The following AMT variants were observed in gnomAD, a reference collection of about 807,000 sequenced individuals.
AMT encodes aminomethyltransferase, mitochondrial.
Under a neutral mutation model 39.5 loss-of-function variants are expected in AMT, and 24 were observed. The observed-to-expected ratio is 0.61, with a 90% confidence interval of 0.44 to 0.86. AMT has a LOEUF of 0.86. Among genes scored for constraint, AMT ranks in the 40% least tolerant of loss-of-function variants. The pLI, the probability that AMT is intolerant of heterozygous loss-of-function variation, is 0.00. For synonymous variants in AMT, 210 were observed against 212.1 expected, an observed-to-expected ratio of 0.99 and a Z score of 0.09; for missense variants, 501 against 537.0, an observed-to-expected ratio of 0.93 and a Z score of 0.66.
chr3:49,418,015 GC>G (rs1191369697), intron 7 of AMT, 42 bp from the exon 8 acceptor site: 1 of 1,573,134 alleles, frequency 6.4e-7, no homozygotes, highest in African/African-American at 1.4e-5. Flanking sequence ...GCCCATAGAA[GC>G]CCTGGCCACA....
chr3:49,421,295 A>C, intron 3 of AMT, 197 bp downstream of exon 3: 1 of 620,690 alleles, frequency 1.6e-6, no homozygotes, highest in East Asian at 2.8e-5. Context: ...TCCTAGCCTG[A>C]TGTAGTAAGA....
rs748831732 is a variant in AMT, at chr3:49,417,834, C to A, written c.1017G>T (p.Met339Ile). The change falls in exon 8 of 9, where the codon ATG becomes ATT. Residue 339 changes from methionine to isoleucine, a missense_variant. By Grantham distance (10) the Met-to-Ile change is conservative. Transcript: ENST00000273588. Reference protein sequence around the residue: ...PMRAHSPILNMEGTKIGTVTS... With the variant: ...PMRAHSPILNIEGTKIGTVTS... ...TCCACCTACCAATCTTGGTACCCTC[C>A]ATGTTCAGGATGGGACTGTGTGCCC... 1 of 1,614,126 alleles carries A rather than the reference C, an allele frequency of 6.2e-7. No homozygotes were observed. Among genetic ancestry groups the A allele is most frequent in the Non-Finnish European group, 8.5e-7 (1 of 1,180,026 alleles).
intron 4 of AMT, 172 bp from the exon 5 acceptor site, chr3:49,419,960 T>C: frequency 2.5e-6 from 2 of 806,432 alleles, no homozygotes; most frequent in South Asian, 1.5e-5. Context: ...TACTAAGTGA[T>C]AGAGATGACC....
rs1575305491 is a variant in AMT at position 49,419,458 on chromosome 3, C to T, written c.551-53G>A. ...ATCCAGGTCCCAGCATCCCTCAAAG[C>T]TGGACTAAAGCCTTATTCAGGGACC... is the stretch of plus-strand genomic sequence containing the variant. On this transcript the variant is annotated intron_variant, in intron 5 of 8. Coordinates refer to ENST00000273588, the MANE Select transcript of AMT (RefSeq NM_000481.4). 5.6e-6 allele frequency: 9 copies of T among 1,600,306 alleles called. No individual in the cohort carries two copies. In the East Asian group the frequency reaches 1.8e-4, roughly 32 times the overall value.
At chr3:49,418,079 T>G in intron 7 of AMT, 106 bp from the exon 8 acceptor site, 6 of 1,396,016 alleles carry the variant, frequency 4.3e-6, no homozygotes. Flanking sequence ...CAAGGCCCCT[T>G]TGCTTGGGCT....
In AMT at chr3:49,419,780, G is replaced by A; in HGVS notation, c.480C>T (p.Val160=). Residue 160 remains valine (V), a synonymous_variant, in exon 5 of 9, where the codon GTC becomes GTT. Coordinates refer to ENST00000273588, the MANE Select transcript of AMT (RefSeq NM_000481.4). ...CTCTGCCCTGGTTCTGAAGCTCCCT[G>A]ACCTTGTCCTAAAAGACAGAAACAC... ...EKDLALMQDK[V]RELQNQGRDV... The A allele has an allele frequency of 6.2e-7, 1 of 1,614,078 alleles. No individual in the cohort carries two copies. The highest frequency in any genetic ancestry group is 2.2e-5 in the East Asian group (1 of 44,890).
rs1575305393 is a variant in AMT at position 49,419,396 on chromosome 3, G to A, written c.560C>T (p.Ala187Val). ...NALLALQGPT[A>V]AQVLQAGVAD... ...CACGCCGGCCTGTAGTACCTGGGCT[G>A]CAGTGGGGCCTGGGCCCAGGGAGCC... The change falls in exon 6 of 9, where the codon GCA becomes GTA. Residue 187 changes from alanine to valine, a missense_variant. Physicochemically the swap from Ala to Val is moderately conservative, Grantham distance 64. Coordinates refer to ENST00000273588, the MANE Select transcript of AMT (RefSeq NM_000481.4). 1.2e-6 allele frequency: 2 copies of A among 1,613,952 alleles called. No individual in the cohort carries two copies. The highest frequency in any genetic ancestry group is 1.7e-6 in the Non-Finnish European group (2 of 1,179,948).
chr3:49,418,138 T>C, intron 7 of AMT, 165 bp from the exon 8 acceptor site: 1 of 814,110 alleles, frequency 1.2e-6, no homozygotes, highest in Non-Finnish European at 2.0e-6. Context: ...ACCAACCACC[T>C]CCTATCCCCT....
chr3:49,417,752 A>G (rs762157837), intron 8 of AMT, 34 bp from the exon 9 acceptor site: 3 of 1,613,416 alleles, frequency 1.9e-6, no homozygotes, highest in Non-Finnish European at 2.5e-6. Flanking sequence ...CATCAGCACC[A>G]CCCTGCCAGT....
rs754517251 is a variant in AMT, at chr3:49,416,903, G to C, written c.*637C>G. On this transcript the variant is annotated 3_prime_UTR_variant, in exon 9 of 9. Transcript: ENST00000273588. ...AGGAAGCCCACCCTGCCCTACAGCAGCCCTGGAACTCAGAATAGGTGGTGA... is the reference window on the plus strand; with the variant it reads ...AGGAAGCCCACCCTGCCCTACAGCACCCCTGGAACTCAGAATAGGTGGTGA... The C allele has an allele frequency of 4.4e-6, 2 of 458,578 alleles. No individual in the cohort carries two copies. Among genetic ancestry groups the C allele is most frequent in the South Asian group, 3.1e-5 (2 of 64,512 alleles). 28.4% of individuals were successfully genotyped at this position (458,578 alleles called of 1,614,324 possible). A position where few individuals can be genotyped will look rare whatever the true frequency, so the allele number is the denominator to read the frequency against.
rs1476296943 is a variant in AMT, at chr3:49,417,021, A to G, written c.*519T>C. On this transcript the variant is annotated 3_prime_UTR_variant, in exon 9 of 9. Coordinates refer to ENST00000273588, the MANE Select transcript of AMT (RefSeq NM_000481.4). ...TTCCCTCAGCCATCCCCAAGTTTACACACAGGCATAGCAGCCCTACTGTGA... is the reference window on the plus strand; with the variant it reads ...TTCCCTCAGCCATCCCCAAGTTTACGCACAGGCATAGCAGCCCTACTGTGA... 1.8e-6 allele frequency: 1 copy of G among 541,624 alleles called. No individual in the cohort carries two copies. The highest frequency in any genetic ancestry group is 1.9e-5 in the African/African-American group (1 of 53,146). The allele number at this position is 541,624 out of a possible 1,614,324, so 33.6% of individuals were successfully genotyped here. A position where few individuals can be genotyped will look rare whatever the true frequency, so the allele number is the denominator to read the frequency against.
rs780617650 is a variant in AMT at position 49,420,352 on chromosome 3, A to G, written c.340-10T>C. ...ACAGCGACAGTGTCCCCTAGGACCA[A>G]AGTGGAGCGTTTTGGCTTCCAGGTC... On this transcript the variant is annotated splice_polypyrimidine_tract_variant and intron_variant, in intron 3 of 8. Coordinates refer to ENST00000273588, the MANE Select transcript of AMT (RefSeq NM_000481.4). 1 of 1,614,074 alleles carries G rather than the reference A, an allele frequency of 6.2e-7. No homozygotes were observed. Among genetic ancestry groups the G allele is most frequent in the Non-Finnish European group, 8.5e-7 (1 of 1,179,994 alleles).
At chr3:49,418,357 A>C in intron 7 of AMT, 1 of 301,972 alleles carries the variant, frequency 3.3e-6, no homozygotes, top group Non-Finnish European at 6.3e-6. Flanking sequence ...TAATTTTTAT[A>C]TTTTCAGTAG....
At chr3:49,417,997 A>G in intron 7 of AMT, 24 bp from the exon 8 acceptor site, 7 of 1,592,522 alleles carry the variant, frequency 4.4e-6, no homozygotes, top group Non-Finnish European at 6.0e-6. Context: ...CATGAGACAT[A>G]AGCCACAGCC....
Position 49,417,958 on chromosome 3 carries a change from G to A in AMT, c.893C>T (p.Ala298Val). Residue 298 changes from alanine to valine, a missense_variant, in exon 8 of 9, where the codon GCT (alanine) becomes GTT (valine). Transcript: ENST00000273588. The part of the protein sequence containing the change: ...LSWTLGKRRR[A>V]AMDFPGAKVI... ...CTTGGCTCCAGGGAAGTCCATAGCA[G>A]CTCGGCGGCGCTTCCCTGGAGAATG... 1.2e-6 allele frequency: 2 copies of A among 1,611,900 alleles called. No homozygotes were observed. The highest frequency in any genetic ancestry group is 1.7e-6 in the Non-Finnish European group (2 of 1,179,222).
intron 4 of AMT, 193 bp from the exon 5 acceptor site, chr3:49,419,981 T>G: frequency 1.3e-6 from 1 of 779,450 alleles, no homozygotes; most frequent in South Asian, 1.6e-5. Context: ...CAAGCCCAGT[T>G]CTGCCACCTC....
Position 49,419,269 on chromosome 3 carries a change from A to G in AMT, c.687T>C (p.Asp229=), listed in dbSNP as rs1292063206. 1.2e-6 allele frequency: 2 copies of G among 1,613,916 alleles called. No individual in the cohort carries two copies. Among genetic ancestry groups the G allele is most frequent in the South Asian group, 2.2e-5 (2 of 91,070 alleles). Residue 229 remains aspartate, a synonymous_variant, in exon 6 of 9, where the codon GAT becomes GAC. Coordinates refer to ENST00000273588, the MANE Select transcript of AMT (RefSeq NM_000481.4). ...RVTRCGYTGE[D]GVEISVPVAG... is the part of the protein sequence containing the mutation. ...CCACTTCTTGACACACCTCCACACCATCCTCTCCTGTGTAGCCACAGCGGG... is the reference window on the plus strand; with the variant it reads ...CCACTTCTTGACACACCTCCACACCGTCCTCTCCTGTGTAGCCACAGCGGG...
chr3:49,422,402 C>T lies in AMT; in HGVS notation c.49G>A (p.Ala17Thr), dbSNP rs745598809. 3.1e-6 allele frequency: 5 copies of T among 1,613,596 alleles called. No individual in the cohort carries two copies. The highest frequency in any genetic ancestry group is 4.2e-6 in the Non-Finnish European group (5 of 1,180,016). The change falls in exon 1 of 9, where the codon GCA (alanine) becomes ACA (threonine). Residue 17 changes from alanine to threonine, a missense_variant. Physicochemically the swap from Ala to Thr is moderately conservative, Grantham distance 58. Coordinates refer to ENST00000273588, the MANE Select transcript of AMT (RefSeq NM_000481.4). ...GGACGACACAAGGCCGGGGGGAATGCCTGCAGGCGAAAGCCCAGACGGGCC... is the reference window on the plus strand; with the variant it reads ...GGACGACACAAGGCCGGGGGGAATGTCTGCAGGCGAAAGCCCAGACGGGCC... ...VVARLGFRLQ[A>T]FPPALCRPLS...
intron 7 of AMT, 51 bp downstream of exon 7, chr3:49,418,920 A>G (rs2049048132): frequency 3.1e-6 from 5 of 1,596,560 alleles, no homozygotes; most frequent in Non-Finnish European, 4.3e-6. Context: ...AGTCTTATCA[A>G]GGGTCACCCT....
Sources: gnomAD v4.1 joint callset for allele counts on GRCh38, gnomAD v4.1.1 for gene constraint, MANE v1.5 for transcripts, NCBI Gene and HGNC (gene_info 2026-07-23, HGNC 2026-07-21) for gene names.